NETO1: variants seen among roughly 807,000 people sequenced by gnomAD.
NETO1 encodes neuropilin and tolloid-like protein 1.
NETO1 carries 26 observed loss-of-function variants against 61.3 expected under a neutral mutation model. The observed-to-expected ratio is 0.42, with a 90% CI of 0.31 to 0.59. NETO1 has a LOEUF of 0.59. Ranked by LOEUF, NETO1 falls within the 20% of genes least tolerant of loss-of-function variation. NETO1 has a pLI of 0.12. For missense variants in NETO1, 531 were observed against 662.8 expected (o/e 0.80, Z 2.18); for synonymous variants, 225 against 225.8 (o/e 1.00, Z 0.03).
rs149272714 is a variant in NETO1, at chr18:72,755,960, G to C, written c.982+74C>G. ...TACACTCTTATTTTAAAGACTGTCTGATTGATACATATAAACTTCTACCCC... is the reference window on the plus strand; with the variant it reads ...TACACTCTTATTTTAAAGACTGTCTCATTGATACATATAAACTTCTACCCC... On this transcript the variant is annotated intron_variant, in intron 8 of 10. Transcript: ENST00000327305. 788 of 731,792 alleles carry C rather than the reference G, an allele frequency of 1.1e-3. 2 individuals carry two copies. The highest frequency in any genetic ancestry group is 9.7e-3 in the African/African-American group (554 of 57,150). The allele number at this position is 731,792 out of a possible 1,614,324, so 45.3% of individuals were successfully genotyped here.
chr18:72,758,148 T>C (rs879467988), intron 7 of NETO1, among the ~76,000 whole-genome samples: 1 of 152,146 alleles, frequency 6.6e-6, no homozygotes, highest in Non-Finnish European at 1.5e-5. Context: ...GCACTGAAAT[T>C]TGAATTCCAA....
At chr18:72,753,294 C>T (rs1420902678) in intron 8 of NETO1, among the ~76,000 whole-genome samples, 2 of 151,774 alleles carry the variant, frequency 1.3e-5, no homozygotes, top group South Asian at 2.1e-4. Flanking sequence ...AGAAAGGAGC[C>T]TCAATCAAAT....
chr18:72,848,096 A>G (rs2074143157), intron 4 of NETO1, among the ~76,000 whole-genome samples: 1 of 152,150 alleles, frequency 6.6e-6, no homozygotes, highest in Non-Finnish European at 1.5e-5. Context: ...GGCTGCCTAT[A>G]TTACACTAAG....
chr18:72,788,353 G>A (rs2071992836), intron 6 of NETO1, among the ~76,000 whole-genome samples: 2 of 152,060 alleles, frequency 1.3e-5, no homozygotes, highest in Non-Finnish European at 1.5e-5. Context: ...ACTGGGTCCA[G>A]AGCTGTCAGT....
rs1241727958 is a variant in NETO1, at chr18:72,744,515, C to G, written c.*3664G>C. 6.6e-6 allele frequency: 1 copy of G among 151,986 alleles called. No homozygotes were observed. The highest frequency in any genetic ancestry group is 1.5e-5 in the Non-Finnish European group (1 of 67,998). The allele number at this position is 151,986 out of a possible 1,614,324, so 9.4% of individuals were successfully genotyped here. On this transcript the variant is annotated 3_prime_UTR_variant, in exon 11 of 11. Coordinates refer to ENST00000327305, the MANE Select transcript of NETO1 (RefSeq NM_138966.5). ...TATTTTACAATTTCTTGGCTGGGTC[C>G]TTTACGCTAGAGTGCAATAGATAGA...
intron 4 of NETO1, among the ~76,000 whole-genome samples, chr18:72,807,490 C>A (rs915731437): frequency 1.3e-5 from 2 of 152,028 alleles, no homozygotes; most frequent in African/African-American, 2.4e-5. Context: ...ATTGAGAAAA[C>A]GTAACTCTTA....
chr18:72,866,876 G>C (rs1373368628), intron 1 of NETO1: 2 of 850,170 alleles, frequency 2.4e-6, no homozygotes, highest in African/African-American at 3.6e-5. Context: ...GCCGAGCTCC[G>C]GGAGCCCCTA....
At chr18:72,843,332 G>A (rs1035307325) in intron 4 of NETO1, among the ~76,000 whole-genome samples, 1 of 152,048 alleles carries the variant, frequency 6.6e-6, no homozygotes, top group African/African-American at 2.4e-5. Context: ...TAAATGACAA[G>A]GAAATAACGA....
At chr18:72,852,890 T>G (rs1173419644) in intron 4 of NETO1, among the ~76,000 whole-genome samples, 1 of 149,392 alleles carries the variant, frequency 6.7e-6, no homozygotes, top group Non-Finnish European at 1.5e-5. Context: ...TGGAGTGCAG[T>G]GGCATGATCT....
intron 7 of NETO1, among the ~76,000 whole-genome samples, chr18:72,777,806 G>A (rs553632351): frequency 2.0e-5 from 3 of 152,204 alleles, no homozygotes; most frequent in Non-Finnish European, 4.4e-5. Flanking sequence ...AAACACACTG[G>A]GGTAGAGGTC....
intron 4 of NETO1, among the ~76,000 whole-genome samples, chr18:72,814,965 AAC>A (rs2072986448): frequency 6.6e-6 from 1 of 152,084 alleles, no homozygotes; most frequent in Non-Finnish European, 1.5e-5. Flanking sequence ...TATTTAGTAA[AAC>A]AATTATTATA....
At chr18:72,777,754 C>T (rs946193332) in intron 7 of NETO1, among the ~76,000 whole-genome samples, 7 of 152,086 alleles carry the variant, frequency 4.6e-5, no homozygotes, top group Non-Finnish European at 1.0e-4. Context: ...AATAAACAAA[C>T]AAACAAATAA....
intron 7 of NETO1, among the ~76,000 whole-genome samples, chr18:72,774,246 C>G (rs1421153806): frequency 1.3e-5 from 2 of 152,144 alleles, no homozygotes; most frequent in East Asian, 3.8e-4. Context: ...ACTCATTCAT[C>G]CATTCCAGTT....
Position 72,867,498 on chromosome 18 carries a change from C to A in NETO1, c.-207G>T. On this transcript the variant is annotated 5_prime_UTR_variant, in exon 1 of 11. Transcript: ENST00000327305. ...ATCCGGATGAGTCCGTCCTCCGCCC[C>A]GGGCGGGCTCTCGCTCTCGCTGGCC... 2 of 394,790 alleles carry A rather than the reference C, an allele frequency of 5.1e-6. No individual in the cohort carries two copies. The highest frequency in any genetic ancestry group is 9.0e-6 in the Non-Finnish European group (2 of 223,250). The allele number at this position is 394,790 out of a possible 1,614,324, so 24.5% of individuals were successfully genotyped here.
intron 4 of NETO1, among the ~76,000 whole-genome samples, chr18:72,833,036 A>G (rs2073630908): frequency 6.6e-6 from 1 of 152,206 alleles, no homozygotes; most frequent in African/African-American, 2.4e-5. Flanking sequence ...CATCAATTCA[A>G]GAGATGGACT....
intron 4 of NETO1, among the ~76,000 whole-genome samples, chr18:72,852,066 T>A (rs17086484): frequency 0.027 from 4,178 of 152,258 alleles, 207 homozygotes; most frequent in African/African-American, 0.096. Context: ...TAGGACCCCA[T>A]GTGTTCCAAT....
chr18:72,814,734 T>A (rs1203808511), intron 4 of NETO1, among the ~76,000 whole-genome samples: 1 of 151,852 alleles, frequency 6.6e-6, no homozygotes, highest in Non-Finnish European at 1.5e-5. Flanking sequence ...AAAGAAAAAC[T>A]TCAGGGAAAA....
chr18:72,763,653 C>T (rs1250457909), intron 7 of NETO1, among the ~76,000 whole-genome samples: 5 of 151,954 alleles, frequency 3.3e-5, no homozygotes, highest in African/African-American at 1.2e-4. Flanking sequence ...GTCATACACA[C>T]ACCACACAGC....
intron 4 of NETO1, among the ~76,000 whole-genome samples, chr18:72,816,339 C>T (rs1320443979): frequency 6.6e-6 from 1 of 152,160 alleles, no homozygotes; most frequent in Non-Finnish European, 1.5e-5. Flanking sequence ...TGGAAAATGC[C>T]TGAGGAACTG....
Sources: gnomAD v4.1 joint callset for allele counts (sites outside exome capture counted in the v4.1 genomes callset) on GRCh38, gnomAD v4.1.1 for gene constraint, MANE v1.5 for transcripts, NCBI Gene and HGNC (gene_info 2026-07-23, HGNC 2026-07-21) for gene names.